The following DNAH9 variants were observed in gnomAD, a reference collection of about 807,000 sequenced individuals.
DNAH9 encodes dynein axonemal heavy chain 9, also known as DNAH9 variant protein.
A neutral mutation model predicts 471.6 loss-of-function variants in DNAH9; 345 were observed. That is an observed-to-expected ratio of 0.73 (90% CI 0.67 to 0.80). DNAH9 has a LOEUF of 0.80. Ranked by LOEUF, DNAH9 falls within the 30% of genes least tolerant of loss-of-function variation. The probability of loss-of-function intolerance (pLI) is 0.00; values close to 1 mark genes in which losing one functional copy is unlikely to be tolerated. For missense variants in DNAH9, 5,407 were observed against 5,609.2 expected (o/e 0.96, Z 1.15); for synonymous variants, 2,093 against 2,123.6 (o/e 0.99, Z 0.40).
At position 11,784,408 on chromosome 17, in the gene DNAH9, C is replaced by T. The variant is rs1485841155; in HGVS notation, c.7930C>T (p.Leu2644=). The part of the protein sequence containing the change: ...HLKLGNFPAS[L]QKSIPPLIDL... ...GAAGCTCGGAAACTTCCCGGCGTCC[C>T]TGCAGAAATCCATCCCCCCACTGAT... The change falls in exon 41 of 69, where the codon CTG becomes TTG. Residue 2644 remains leucine, a synonymous_variant. Coordinates refer to ENST00000262442, the MANE Select transcript of DNAH9 (RefSeq NM_001372.4). 1 of 1,614,226 alleles carries T rather than the reference C, an allele frequency of 6.2e-7. No homozygotes were observed. The highest frequency in any genetic ancestry group is 1.1e-5 in the South Asian group (1 of 91,078).
At chr17:11,641,861 G>A (rs547811986) in intron 10 of DNAH9, among the ~76,000 whole-genome samples, 6 of 152,262 alleles carry the variant, frequency 3.9e-5, no homozygotes, top group South Asian at 4.1e-4. Context: ...GAAACAGATC[G>A]GGCAGAGAAA....
rs776161386 is a variant in DNAH9 at position 11,689,721 on chromosome 17, G to T, written c.3899G>T (p.Cys1300Phe). ...CTGAGGCAGTGCAGGAAGGAGGTCT[G>T]CCAGCTGAAGGAGCTCTGGGACACC... Reference protein sequence around the residue: ...KQLRQCRKEVCQLKELWDTIG... With the variant: ...KQLRQCRKEVFQLKELWDTIG... The change falls in exon 20 of 69, where the codon TGC (cysteine) becomes TTC (phenylalanine). Residue 1300 changes from cysteine to phenylalanine, a missense_variant. Around this residue, in one of 3 missense-constraint regions of DNAH9, gnomAD observed 4,636 missense variants for 4,900.3 expected, o/e 0.95. Transcript: ENST00000262442. 1.2e-6 allele frequency: 2 copies of T among 1,614,070 alleles called. No individual in the cohort carries two copies. Among genetic ancestry groups the T allele is most frequent in the South Asian group, 1.1e-5 (1 of 91,084 alleles).
chr17:11,648,775 G>A (rs2073443266), intron 12 of DNAH9, among the ~76,000 whole-genome samples: 1 of 152,106 alleles, frequency 6.6e-6, no homozygotes, highest in Admixed American at 6.6e-5. Context: ...AGTCAAAGAA[G>A]AACACCATCA....
intron 9 of DNAH9, among the ~76,000 whole-genome samples, chr17:11,637,881 G>A (rs1462650830): frequency 2.6e-5 from 4 of 152,164 alleles, no homozygotes; most frequent in African/African-American, 4.8e-5. Context: ...TGGGAGATTC[G>A]AGGGCAGGCT....
chr17:11,651,866 T>C (rs930747478), intron 13 of DNAH9, among the ~76,000 whole-genome samples: 1 of 152,122 alleles, frequency 6.6e-6, no homozygotes, highest in African/African-American at 2.4e-5. Flanking sequence ...CAGAGCCATA[T>C]GATGACTTTC....
At chr17:11,965,325 C>T (rs1976612169) in intron 68 of DNAH9, among the ~76,000 whole-genome samples, 1 of 152,202 alleles carries the variant, frequency 6.6e-6, no homozygotes, top group African/African-American at 2.4e-5. Context: ...AGCCACTCAG[C>T]CAAGACTTTG....
chr17:11,756,888 G>A lies in DNAH9; in HGVS notation c.6847+212G>A, dbSNP rs74853394. The stretch of plus-strand genomic sequence containing the variant: ...CTCTGCACAGAAGTGTCTAACTTAG[G>A]CTACTTTTAGGCCAGTTCTAGCCTC... On this transcript the variant is annotated intron_variant, in intron 34 of 68. Transcript: ENST00000262442. Among the ~76,000 whole-genome samples, 1,378 of 152,250 alleles carry A rather than the reference G, an allele frequency of 9.1e-3. 18 individuals are homozygous for A. Among genetic ancestry groups the A allele is most frequent in the African/African-American group, 0.031 (1,291 of 41,518 alleles).
Position 11,629,460 on chromosome 17 carries a change from T to A in DNAH9, c.1394T>A (p.Val465Glu), listed in dbSNP as rs1408901619. 6.2e-7 allele frequency: 1 copy of A among 1,613,882 alleles called. No individual in the cohort carries two copies. Among genetic ancestry groups the A allele is most frequent in the Non-Finnish European group, 8.5e-7 (1 of 1,179,976 alleles). The change falls in exon 7 of 69, where the codon GTG becomes GAG. Residue 465 changes from valine to glutamate, a missense_variant. Physicochemically the swap from Val to Glu is moderately radical, Grantham distance 121. Coordinates refer to ENST00000262442, the MANE Select transcript of DNAH9 (RefSeq NM_001372.4). ...CTGGATTTCCACAAACTGGGAAAGG[T>A]GGAGTTCAGCGGCGTCAGAGGGAAT... ...TALDFHKLGK[V>E]EFSGVRGNAL...
chr17:11,920,673 C>T (rs1252709399), intron 61 of DNAH9, among the ~76,000 whole-genome samples: 1 of 151,092 alleles, frequency 6.6e-6, no homozygotes, highest in Non-Finnish European at 1.5e-5. Flanking sequence ...AAACATGAGG[C>T]TGGGTGTTGT....
At position 11,701,381 on chromosome 17, in the gene DNAH9, A is replaced by T. The variant is rs561883438; in HGVS notation, c.5151+134A>T. 7 of 943,464 alleles carry T rather than the reference A, an allele frequency of 7.4e-6. No individual in the cohort carries two copies. The African/African-American group carries it at 1.1e-4, about 15-fold the overall frequency. The allele number at this position is 943,464 out of a possible 1,614,324, so 58.4% of individuals were successfully genotyped here. On this transcript the variant is annotated intron_variant, in intron 24 of 68. Transcript: ENST00000262442. ...GCCAGGGAGGCTTGAATCCCAGACCACTGTGAGGGGTCAGCAGGTGGGAGC... is the reference window on the plus strand; with the variant it reads ...GCCAGGGAGGCTTGAATCCCAGACCTCTGTGAGGGGTCAGCAGGTGGGAGC...
At chr17:11,839,997 G>T (rs2150958147) in intron 49 of DNAH9, among the ~76,000 whole-genome samples, 1 of 152,272 alleles carries the variant, frequency 6.6e-6, no homozygotes, top group African/African-American at 2.4e-5. Flanking sequence ...ATGGAAAACA[G>T]TATACAAAGG....
At chr17:11,851,745 C>A (rs1971428046) in intron 49 of DNAH9, among the ~76,000 whole-genome samples, 2 of 152,060 alleles carry the variant, frequency 1.3e-5, no homozygotes, top group Admixed American at 6.6e-5. Flanking sequence ...CCTGCCCTTG[C>A]CAGATATTCG....
chr17:11,712,164 TAATAAATATATTA>T (rs2074877505), intron 26 of DNAH9, among the ~76,000 whole-genome samples: 1 of 138,958 alleles, frequency 7.2e-6, no homozygotes, highest in Admixed American at 7.6e-5. Flanking sequence ...TATTATTCAA[TAATAAATATATTA>T]AATTTATAAT....
In DNAH9 at chr17:11,756,264, G is replaced by A. The variant is rs536205019; in HGVS notation, c.6739-304G>A. On this transcript the variant is annotated intron_variant, in intron 33 of 68. Transcript: ENST00000262442. The stretch of plus-strand genomic sequence containing the variant: ...TGCACTCCAGCCTGGGTGACAGAGC[G>A]AGACTCTGTCAAAAAAAAAAAAAAA... 1.6e-4 allele frequency among the ~76,000 whole-genome samples: 18 copies of A among 114,382 alleles called. No homozygotes were observed. The East Asian group carries it at 4.1e-3, about 26-fold the overall frequency. The allele number at this position is 114,382 out of a possible 152,430, so 75.0% of individuals were successfully genotyped here.
intron 43 of DNAH9, among the ~76,000 whole-genome samples, chr17:11,798,366 CA>C (rs1490754158): frequency 6.9e-6 from 1 of 145,366 alleles, no homozygotes; most frequent in Non-Finnish European, 1.5e-5. Context: ...CTGGGAGGCC[CA>C]GGTTGCAGTG....
chr17:11,713,776 A>C (rs992174388), intron 26 of DNAH9, among the ~76,000 whole-genome samples: 2 of 152,212 alleles, frequency 1.3e-5, no homozygotes, highest in African/African-American at 4.8e-5. Context: ...CCTGTATTAC[A>C]AATTCTAAAA....
chr17:11,895,674 C>T (rs1597799345), intron 59 of DNAH9, among the ~76,000 whole-genome samples: 1 of 152,152 alleles, frequency 6.6e-6, no homozygotes, highest in Non-Finnish European at 1.5e-5. Flanking sequence ...CCTTCTATAA[C>T]CACAACAACA....
In DNAH9 at chr17:11,937,089, G is replaced by GT. The variant is rs1974736673; in HGVS notation, c.12490-263_12490-262insT. ...GTGGGAGGCATTGGGTGTGGAGATAGATAAAGTCATCTAAGCCTCCCAGAA... is the reference window on the plus strand; with the variant it reads ...GTGGGAGGCATTGGGTGTGGAGATAGTATAAAGTCATCTAAGCCTCCCAGAA... On this transcript the variant is annotated intron_variant, in intron 65 of 68. Transcript: ENST00000262442. This position sits in a 1 kb window ranked among gnomAD's most constrained non-coding sequence, Gnocchi z 4.1. Among the ~76,000 whole-genome samples the GT allele has an allele frequency of 6.6e-6, 1 of 152,150 alleles. No individual in the cohort carries two copies. Among genetic ancestry groups the GT allele is most frequent in the African/African-American group, 2.4e-5 (1 of 41,428 alleles).
At position 11,632,703 on chromosome 17, in the gene DNAH9, G is replaced by A; in HGVS notation, c.1635G>A (p.Lys545=). Residue 545 remains lysine, a splice_region_variant and synonymous_variant, in exon 8 of 69, where the codon AAG becomes AAA. Transcript: ENST00000262442. ...DDAPGLEHAF[K]LLDIAGNLLE... ...CACCTGGCTTGGAGCATGCCTTTAA[G>A]GTTTGTGTAAATGGGGCAGGAGCCA... is the stretch of plus-strand genomic sequence containing the variant. The A allele has an allele frequency of 6.5e-7, 1 of 1,539,554 alleles. No individual in the cohort carries two copies. The highest frequency in any genetic ancestry group is 9.0e-7 in the Non-Finnish European group (1 of 1,112,048).
Sources: allele counts gnomAD v4.1 joint callset (sites outside exome capture counted in the v4.1 genomes callset), GRCh38; gene constraint gnomAD v4.1.1; regional missense constraint gnomAD v4.1.1; non-coding constraint Gnocchi (gnomAD v3.1); transcripts MANE v1.5; gene names NCBI Gene and HGNC (gene_info 2026-07-23, HGNC 2026-07-21).